Variants in NEDD8 observed in about 807,000 individuals in gnomAD.
NEDD8 encodes the protein ubiquitin-like protein NEDD8.
In NEDD8, 1 loss-of-function variant was observed where a neutral mutation model predicts 13.8. The ratio of observed to expected loss-of-function variants is 0.07; its 90% CI spans 0.03 to 0.34. NEDD8 has a LOEUF of 0.34. NEDD8 is among the 10% of genes least tolerant of loss of function. The probability of loss-of-function intolerance (pLI) is 0.99; values close to 1 mark genes in which losing one functional copy is unlikely to be tolerated. For missense variants in NEDD8, 10 were observed against 95.2 expected, an observed-to-expected ratio of 0.10 and a Z score of 3.73; for synonymous variants, 31 against 33.2, an observed-to-expected ratio of 0.93 and a Z score of 0.23.
intron 1 of NEDD8, among the ~76,000 whole-genome samples, chr14:24,229,890 G>C (rs2039961163): frequency 6.6e-6 from 1 of 152,014 alleles, no homozygotes; most frequent in African/African-American, 2.4e-5. Flanking sequence ...GGCCAACCTG[G>C]TGAAACCCCG....
At chr14:24,229,172 T>C (rs572230607) in intron 1 of NEDD8, among the ~76,000 whole-genome samples, 2 of 152,352 alleles carry the variant, frequency 1.3e-5, no homozygotes, top group South Asian at 4.1e-4. Flanking sequence ...TAGGACACTG[T>C]ATTTTCAAGT....
At chr14:24,217,800 G>T in intron 3 of NEDD8, 1 of 224,718 alleles carries the variant, frequency 4.5e-6, no homozygotes, top group East Asian at 1.0e-4. Flanking sequence ...TCATTTATAG[G>T]TATCTTGAAA....
intron 1 of NEDD8, chr14:24,232,044 C>T: frequency 1.4e-6 from 1 of 698,950 alleles, no homozygotes; most frequent in Non-Finnish European, 2.3e-6. Flanking sequence ...TGGCAAAATA[C>T]CCCAGGGTCG....
intron 1 of NEDD8, among the ~76,000 whole-genome samples, chr14:24,223,435 T>C (rs1486359310): frequency 6.6e-6 from 1 of 152,190 alleles, no homozygotes; most frequent in Non-Finnish European, 1.5e-5. Flanking sequence ...ATTCAAATGG[T>C]AAATTTTCAT....
At chr14:24,232,189 C>G (rs367915992) in intron 1 of NEDD8, 61 bp downstream of exon 1, 1 of 1,612,218 alleles carries the variant, frequency 6.2e-7, no homozygotes, top group Non-Finnish European at 8.5e-7. Context: ...CCACGTCTCC[C>G]GTAAGGCACT....
intron 1 of NEDD8, among the ~76,000 whole-genome samples, chr14:24,224,707 A>G (rs904886199): frequency 5.9e-5 from 9 of 152,354 alleles, no homozygotes; most frequent in Admixed American, 3.9e-4. Flanking sequence ...TATCTAGGAA[A>G]TGACTAACAT....
intron 1 of NEDD8, 188 bp from the exon 2 acceptor site, chr14:24,218,619 C>T (rs1369847820): frequency 1.3e-6 from 1 of 776,104 alleles, no homozygotes; most frequent in East Asian, 2.7e-5. Context: ...AGGCTGTAAA[C>T]AACTTTGATA....
chr14:24,217,646 G>GA (rs1229140108), intron 3 of NEDD8: 3 of 164,634 alleles, frequency 1.8e-5, no homozygotes, highest in African/African-American at 2.4e-5. Flanking sequence ...ACTTGAATGA[G>GA]AAAAAAAATC....
intron 1 of NEDD8, among the ~76,000 whole-genome samples, chr14:24,230,616 C>CT (rs751786098): frequency 0.017 from 2,350 of 136,332 alleles, 79 homozygotes; most frequent in African/African-American, 0.053. Context: ...CTCTCTCTTT[C>CT]TTTTTTTTTT....
At chr14:24,218,501 T>C in intron 1 of NEDD8, 70 bp from the exon 2 acceptor site, 6 of 1,610,264 alleles carry the variant, frequency 3.7e-6, no homozygotes, top group Non-Finnish European at 5.1e-6. Context: ...TAAAACATCC[T>C]ATGTTGGTCT....
chr14:24,227,076 C>T (rs1021151684), intron 1 of NEDD8: 2 of 152,166 alleles, frequency 1.3e-5, no homozygotes, highest in African/African-American at 4.8e-5. Flanking sequence ...AAAAATTGTA[C>T]ATTCAATAAT....
chr14:24,228,376 G>A (rs1440229241), intron 1 of NEDD8: 1 of 152,188 alleles, frequency 6.6e-6, no homozygotes, highest in Non-Finnish European at 1.5e-5. Context: ...CTGGGCGACA[G>A]AGTGAGACTC....
At chr14:24,218,547 C>A (rs770300884) in intron 1 of NEDD8, 116 bp from the exon 2 acceptor site, 6 of 1,398,942 alleles carry the variant, frequency 4.3e-6, no homozygotes, top group Non-Finnish European at 6.0e-6. Flanking sequence ...TGCATATTCT[C>A]AGCAGCACTG....
intron 1 of NEDD8, 98 bp downstream of exon 1, chr14:24,232,152 G>A: frequency 6.3e-7 from 1 of 1,590,866 alleles, no homozygotes; most frequent in South Asian, 1.1e-5. Context: ...CGTCCTCCAG[G>A]CTAGGGAAAG....
intron 1 of NEDD8, chr14:24,228,793 TTC>T (rs1294107213): frequency 1.3e-5 from 2 of 152,014 alleles, no homozygotes; most frequent in South Asian, 2.1e-4. Flanking sequence ...GCTCTTTTTT[TTC>T]TTTTTTAAAT....
intron 1 of NEDD8, among the ~76,000 whole-genome samples, chr14:24,229,261 C>T (rs1406297779): frequency 6.6e-6 from 1 of 152,130 alleles, no homozygotes; most frequent in African/African-American, 2.4e-5. Flanking sequence ...ACTCTGTTGC[C>T]CAGGCTGGAG....
rs951859473 is a variant in NEDD8, at chr14:24,232,156, G to A, written c.18+94C>T. On this transcript the variant is annotated intron_variant, in intron 1 of 3. Coordinates refer to ENST00000250495, the MANE Select transcript of NEDD8 (RefSeq NM_006156.3). ...GAGGCAGTCAGCGTCCTCCAGGCTA[G>A]GGAAAGGCGTGGTTTTCCTTCCCCA... is the stretch of plus-strand genomic sequence containing the variant. 1.3e-5 allele frequency: 21 copies of A among 1,596,972 alleles called. 1 individual carries two copies. In the Middle Eastern group the frequency reaches 5.2e-4, roughly 39 times the overall value.
At chr14:24,218,630 G>C (rs2039748388) in intron 1 of NEDD8, 199 bp from the exon 2 acceptor site, 3 of 690,668 alleles carry the variant, frequency 4.3e-6, no homozygotes, top group African/African-American at 1.8e-5. Context: ...AACTTTGATA[G>C]GGCAAGATTC....
Sources: gnomAD v4.1 joint callset for allele counts (sites outside exome capture counted in the v4.1 genomes callset) on GRCh38, gnomAD v4.1.1 for gene constraint, MANE v1.5 for transcripts, NCBI Gene and HGNC (gene_info 2026-07-23, HGNC 2026-07-21) for gene names.